The following EFNA5 variants were observed in gnomAD, a reference collection of about 807,000 sequenced individuals.
EFNA5 encodes ephrin-A5.
EFNA5 carries 5 observed loss-of-function variants against 22.9 expected under a neutral mutation model. The observed-to-expected ratio is 0.22, with a 90% confidence interval of 0.11 to 0.46. EFNA5 has a LOEUF of 0.46. Among genes scored for constraint, EFNA5 ranks in the 20% least tolerant of loss-of-function variants. EFNA5 has a pLI of 0.99. For missense variants in EFNA5, 237 were observed against 293.3 expected, an observed-to-expected ratio of 0.81 and a Z score of 1.40; for synonymous variants, 113 against 112.2, an observed-to-expected ratio of 1.01 and a Z score of -0.04.
At position 107,379,854 on chromosome 5, in the gene EFNA5, C is replaced by T. The variant is rs988191315; in HGVS notation, c.*1401G>A. ...TTTAAATAGGACAAGCATATATACT[C>T]ACTCTCAGCATAAAGTATATCTAAA... On this transcript the variant is annotated 3_prime_UTR_variant, in exon 5 of 5. Transcript: ENST00000333274. The T allele has an allele frequency of 6.6e-6, 1 of 152,012 alleles. No homozygotes were observed. The highest frequency in any genetic ancestry group is 2.4e-5 in the African/African-American group (1 of 41,350). 9.4% of individuals were successfully genotyped at this position (152,012 alleles called of 1,614,324 possible).
chr5:107,527,332 G>A (rs1747715500), intron 1 of EFNA5, among the ~76,000 whole-genome samples: 1 of 149,780 alleles, frequency 6.7e-6, no homozygotes, highest in Non-Finnish European at 1.5e-5. Context: ...TGTTGCCCGA[G>A]CTGGAATACA....
intron 1 of EFNA5, among the ~76,000 whole-genome samples, chr5:107,517,049 T>C (rs900907594): frequency 1.3e-5 from 2 of 152,006 alleles, no homozygotes; most frequent in Admixed American, 6.6e-5. Flanking sequence ...GTCATAAAAT[T>C]ATATCGTGAT....
intron 1 of EFNA5, among the ~76,000 whole-genome samples, chr5:107,608,590 A>G (rs925743818): frequency 4.6e-5 from 7 of 152,198 alleles, no homozygotes; most frequent in Admixed American, 2.6e-4. Flanking sequence ...ACCAGCAGCA[A>G]GGTCCTGAGC....
chr5:107,556,852 A>T (rs751728435), intron 1 of EFNA5, among the ~76,000 whole-genome samples: 44 of 152,076 alleles, frequency 2.9e-4, no homozygotes, highest in Non-Finnish European at 5.3e-4. Context: ...CACCTGAACA[A>T]ATGCCCTCAT....
rs549562469 is a variant in EFNA5 at position 107,487,829 on chromosome 5, T to C, written c.126-60320A>G. Reference sequence around the variant, plus strand: ...CCCCTATAGCAACAAGCACAGTGTTTGTATAACAGGTGCCAACAAATATTT... The same window carrying C: ...CCCCTATAGCAACAAGCACAGTGTTCGTATAACAGGTGCCAACAAATATTT... On this transcript the variant is annotated intron_variant, in intron 1 of 4. Coordinates refer to ENST00000333274, the MANE Select transcript of EFNA5 (RefSeq NM_001962.3). Among the ~76,000 whole-genome samples, 22 of 152,346 alleles carry C rather than the reference T, an allele frequency of 1.4e-4. 1 individual carries two copies. In the South Asian group the frequency reaches 4.4e-3, roughly 30 times the overall value.
intron 2 of EFNA5, among the ~76,000 whole-genome samples, chr5:107,410,341 C>T (rs1339418607): frequency 6.6e-6 from 1 of 152,076 alleles, no homozygotes; most frequent in Non-Finnish European, 1.5e-5. Context: ...GTATATGTTG[C>T]TCATCTGAAA....
At chr5:107,457,690 G>A (rs1749730458) in intron 1 of EFNA5, among the ~76,000 whole-genome samples, 1 of 152,044 alleles carries the variant, frequency 6.6e-6, no homozygotes, top group African/African-American at 2.4e-5. Context: ...AAGTTACCTA[G>A]TTTAAAAAAA....
In EFNA5 at chr5:107,641,017, T is replaced by TAGAC. The variant is rs1200978327; in HGVS notation, c.125+29471_125+29472insGTCT. 1.4e-3 allele frequency among the ~76,000 whole-genome samples: 155 copies of TAGAC among 113,742 alleles called. 1 individual carries two copies. Among genetic ancestry groups the TAGAC allele is most frequent in the Middle Eastern group, 9.8e-3 (2 of 204 alleles). The allele number at this position is 113,742 out of a possible 152,430, so 74.6% of individuals were successfully genotyped here. ...ATAGATAGATAGATAGATAGATAGA[T>TAGAC]AGATAGACAGACAGACAGACAGATA... On this transcript the variant is annotated intron_variant, in intron 1 of 4. Transcript: ENST00000333274.
At chr5:107,386,781 T>C (rs972932112) in intron 4 of EFNA5, among the ~76,000 whole-genome samples, 1 of 152,218 alleles carries the variant, frequency 6.6e-6, no homozygotes, top group South Asian at 2.1e-4. Context: ...GAAAACTAAG[T>C]ATGTTGAATT....
intron 1 of EFNA5, among the ~76,000 whole-genome samples, chr5:107,589,597 T>C (rs1749274808): frequency 6.6e-6 from 1 of 152,172 alleles, no homozygotes; most frequent in African/African-American, 2.4e-5. Flanking sequence ...TGCTAGTGAA[T>C]GAAGCATCCA....
intron 1 of EFNA5, among the ~76,000 whole-genome samples, chr5:107,524,427 G>A (rs1035042072): frequency 1.3e-5 from 2 of 152,192 alleles, no homozygotes; most frequent in African/African-American, 4.8e-5. Context: ...ATAGGAAAAT[G>A]TCTAAGCATG....
Position 107,557,370 on chromosome 5 carries a change from G to A in EFNA5, c.125+113119C>T, listed in dbSNP as rs185119092. 1.9e-4 allele frequency among the ~76,000 whole-genome samples: 29 copies of A among 150,970 alleles called. No individual in the cohort carries two copies. In the East Asian group the frequency reaches 1.9e-3, roughly 10 times the overall value. ...AAACATTTGTTAAATGAGAAGGGGCGAGAGAGGGAAGCCTGGAGGTCAGGT... is the reference window on the plus strand; with the variant it reads ...AAACATTTGTTAAATGAGAAGGGGCAAGAGAGGGAAGCCTGGAGGTCAGGT... On this transcript the variant is annotated intron_variant, in intron 1 of 4. Transcript: ENST00000333274.
intron 1 of EFNA5, among the ~76,000 whole-genome samples, chr5:107,552,095 T>A (rs1326946085): frequency 6.6e-6 from 1 of 152,138 alleles, no homozygotes; most frequent in Non-Finnish European, 1.5e-5. Context: ...ACTTAAAAAA[T>A]TCTGGCGTTA....
At chr5:107,420,346 A>G (rs1316233593) in intron 2 of EFNA5, among the ~76,000 whole-genome samples, 1 of 152,028 alleles carries the variant, frequency 6.6e-6, no homozygotes, top group Non-Finnish European at 1.5e-5. Context: ...GGTTCCTTAA[A>G]CAATATTTCA....
intron 2 of EFNA5, among the ~76,000 whole-genome samples, chr5:107,405,748 G>A (rs1748192151): frequency 6.6e-6 from 1 of 151,820 alleles, no homozygotes. Context: ...GCTCCAATCT[G>A]ACTCAGAGTG....
At chr5:107,620,050 T>C (rs1394442543) in intron 1 of EFNA5, among the ~76,000 whole-genome samples, 1 of 152,204 alleles carries the variant, frequency 6.6e-6, no homozygotes, top group Non-Finnish European at 1.5e-5. Context: ...AGTGAGCTTC[T>C]CAGATAGGAG....
At chr5:107,524,794 A>G (rs1747661300) in intron 1 of EFNA5, among the ~76,000 whole-genome samples, 1 of 152,140 alleles carries the variant, frequency 6.6e-6, no homozygotes, top group African/African-American at 2.4e-5. Flanking sequence ...GCATCTATCC[A>G]CCTTTGCCTA....
At chr5:107,480,744 C>G (rs994754130) in intron 1 of EFNA5, among the ~76,000 whole-genome samples, 12 of 152,178 alleles carry the variant, frequency 7.9e-5, no homozygotes, top group South Asian at 2.1e-4. Context: ...AAGACTCTTG[C>G]AGTCAGCGGT....
chr5:107,633,032 C>T (rs767370343), intron 1 of EFNA5, among the ~76,000 whole-genome samples: 21 of 151,644 alleles, frequency 1.4e-4, no homozygotes, highest in Non-Finnish European at 2.9e-4. Flanking sequence ...TTTTTTATTT[C>T]TTGCTTTCCA....
Sources: gnomAD v4.1 joint callset for allele counts (sites outside exome capture counted in the v4.1 genomes callset) on GRCh38, gnomAD v4.1.1 for gene constraint, MANE v1.5 for transcripts, NCBI Gene and HGNC (gene_info 2026-07-23, HGNC 2026-07-21) for gene names.